The following DHRS12 variants were observed in gnomAD, a reference collection of about 807,000 sequenced individuals.
The protein encoded by DHRS12 is dehydrogenase/reductase SDR family member 12.
In DHRS12, 29 loss-of-function variants were observed where a neutral mutation model predicts 32.1. The ratio of observed to expected loss-of-function variants is 0.90; its 90% CI spans 0.67 to 1.23. The LOEUF (loss-of-function observed/expected upper bound fraction) is 1.23. Ranked by LOEUF, DHRS12 falls within the 50% of genes most tolerant of loss-of-function variation. The pLI is 0.00. For missense variants in DHRS12, 330 were observed against 337.2 expected, an observed-to-expected ratio of 0.98 and a Z score of 0.17; for synonymous variants, 150 against 135.9, an observed-to-expected ratio of 1.10 and a Z score of -0.72.
At chr13:51,780,723 T>C (rs1385277322) in intron 4 of DHRS12, among the ~76,000 whole-genome samples, 2 of 152,220 alleles carry the variant, frequency 1.3e-5, no homozygotes, top group Non-Finnish European at 2.9e-5. Flanking sequence ...GCACAGGTGA[T>C]GCTGAAGGAG....
the DHRS12 span, chr13:51,756,522 G>A: frequency 6.4e-7 from 1 of 1,553,022 alleles, no homozygotes; most frequent in Non-Finnish European, 8.7e-7. Context: ...TCTGAGCCTT[G>A]CACTCAGCGC....
At chr13:51,785,924 A>G (rs1200913136) in intron 4 of DHRS12, among the ~76,000 whole-genome samples, 1 of 152,160 alleles carries the variant, frequency 6.6e-6, no homozygotes, top group Non-Finnish European at 1.5e-5. Flanking sequence ...AAATCTGTAA[A>G]ATGGTTATGA....
At chr13:51,757,447 T>C in the DHRS12 span, among the ~76,000 whole-genome samples, 2 of 141,708 alleles carry the variant, frequency 1.4e-5, no homozygotes, top group South Asian at 2.4e-4. Context: ...GATTTAGCTA[T>C]AGAAAAAAGG....
downstream of DHRS12, chr13:51,765,541 C>T (rs1006300065): frequency 5.3e-5 from 8 of 152,182 alleles, no homozygotes; most frequent in African/African-American, 1.9e-4. Context: ...CTTAAAGTCC[C>T]TTCCAATCCT....
intron 4 of DHRS12, among the ~76,000 whole-genome samples, chr13:51,781,130 C>A (rs1411385708): frequency 6.6e-6 from 1 of 152,148 alleles, no homozygotes; most frequent in Non-Finnish European, 1.5e-5. Flanking sequence ...ACATAGTGAG[C>A]CTGGGGGGCT....
chr13:51,797,744 G>A, intron 2 of DHRS12: 1 of 1,396,850 alleles, frequency 7.2e-7, no homozygotes, highest in South Asian at 1.3e-5. Flanking sequence ...TTCAACCCAG[G>A]GAAAGCGGGT....
chr13:51,803,843 G>C, intron 1 of DHRS12: 1 of 387,540 alleles, frequency 2.6e-6, no homozygotes, highest in Non-Finnish European at 4.4e-6. Flanking sequence ...GCCAGTCTCG[G>C]TCGCGGGCAT....
chr13:51,767,134 T>A (rs1426004837), downstream of DHRS12: 1 of 152,208 alleles, frequency 6.6e-6, no homozygotes, highest in Non-Finnish European at 1.5e-5. Flanking sequence ...TGAGGTTCAT[T>A]TTATGGAGAA....
At chr13:51,791,716 G>C (rs553853524) in intron 2 of DHRS12, among the ~76,000 whole-genome samples, 1 of 152,256 alleles carries the variant, frequency 6.6e-6, no homozygotes, top group East Asian at 1.9e-4. Flanking sequence ...TATTCACCTT[G>C]CCTAACTGAA....
chr13:51,758,300 G>C, the DHRS12 span: 2 of 1,579,218 alleles, frequency 1.3e-6, no homozygotes, highest in Non-Finnish European at 8.7e-7. Flanking sequence ...AGGTTATTAA[G>C]GTAAGATGCC....
chr13:51,774,003 T>C lies in DHRS12; in HGVS notation c.395A>G (p.Gln132Arg). The change falls in exon 6 of 9, where the codon CAG becomes CGG. Residue 132 changes from glutamine to arginine, a missense_variant. Transcript: ENST00000444610. ...ITVSSGGMLV[Q>R]KLNTNDLQSE... ...CTGGAGATCATTGGTGTTCAGTTTC[T>C]GAACCAACATTCCTCCTGAGGAGAC... 1 of 1,614,012 alleles carries C rather than the reference T, an allele frequency of 6.2e-7. No homozygotes were observed. The highest frequency in any genetic ancestry group is 2.2e-5 in the East Asian group (1 of 44,874).
intron 4 of DHRS12, chr13:51,789,765 T>C (rs1955175951): frequency 1.6e-5 from 16 of 985,418 alleles, no homozygotes; most frequent in Non-Finnish European, 1.9e-5. Flanking sequence ...ATAAACAGCC[T>C]AGCGCTTCCT....
intron 2 of DHRS12, 115 bp downstream of exon 2, chr13:51,799,419 G>T (rs1232575524): frequency 8.1e-6 from 12 of 1,473,128 alleles, no homozygotes; most frequent in East Asian, 2.3e-5. Context: ...CAGAACCATG[G>T]GATCGCCGTC....
chr13:51,757,302 T>C, the DHRS12 span, among the ~76,000 whole-genome samples: 3 of 152,178 alleles, frequency 2.0e-5, no homozygotes, highest in Non-Finnish European at 4.4e-5. Context: ...CAAGAGACCT[T>C]AGAGATAGCC....
chr13:51,793,620 T>C (rs1421621233), intron 2 of DHRS12, among the ~76,000 whole-genome samples: 1 of 152,228 alleles, frequency 6.6e-6, no homozygotes, highest in Admixed American at 6.5e-5. Flanking sequence ...AAATGTTGTC[T>C]GTACAGAGCT....
rs1953830186 is a variant in DHRS12 at position 51,768,037 on chromosome 13, A to G, written c.*150T>C. 13 of 1,430,924 alleles carry G rather than the reference A, an allele frequency of 9.1e-6. No homozygotes were observed. In the South Asian group the frequency reaches 1.8e-4, roughly 20 times the overall value. 88.6% of individuals were successfully genotyped at this position (1,430,924 alleles called of 1,614,324 possible). A position where few individuals can be genotyped will look rare whatever the true frequency, so the allele number is the denominator to read the frequency against. On this transcript the variant is annotated 3_prime_UTR_variant, in exon 9 of 9. Coordinates refer to ENST00000444610, the MANE Select transcript of DHRS12 (RefSeq NM_001377533.1). ...CAGCCTCGGTAGTATTTATTTTGAA[A>G]TAAAAGTTCCCATCCCTTGTAGGCC...
chr13:51,787,774 A>G, intron 4 of DHRS12, among the ~76,000 whole-genome samples: 1 of 88,960 alleles, frequency 1.1e-5, no homozygotes. Context: ...TATATAAATT[A>G]TATATAATTT....
chr13:51,792,092 T>C (rs1217624352), intron 2 of DHRS12, among the ~76,000 whole-genome samples: 2 of 152,212 alleles, frequency 1.3e-5, no homozygotes, highest in African/African-American at 2.4e-5. Context: ...GATCCTGATT[T>C]CAATTCCCTT....
intron 2 of DHRS12, among the ~76,000 whole-genome samples, chr13:51,794,033 C>A (rs751036015): frequency 5.9e-5 from 9 of 152,190 alleles, no homozygotes; most frequent in Non-Finnish European, 1.0e-4. Context: ...GGAAGGAAAT[C>A]ATCTGTGTCC....
Sources: allele counts gnomAD v4.1 joint callset (sites outside exome capture counted in the v4.1 genomes callset), GRCh38; gene constraint gnomAD v4.1.1; transcripts MANE v1.5; gene names NCBI Gene and HGNC (gene_info 2026-07-23, HGNC 2026-07-21).